IPCEF1: variants seen among roughly 807,000 people sequenced by gnomAD.
IPCEF1 encodes the protein interactor protein for cytohesin exchange factors 1.
IPCEF1 carries 31 observed loss-of-function variants against 50.9 expected under a neutral mutation model. The ratio of observed to expected loss-of-function variants is 0.61; its 90% confidence interval spans 0.46 to 0.82. IPCEF1 has a LOEUF of 0.82. Ranked by LOEUF, IPCEF1 falls within the 40% of genes least tolerant of loss-of-function variation. The pLI, the probability that IPCEF1 is intolerant of heterozygous loss-of-function variation, is 0.00. For missense variants in IPCEF1, 458 were observed against 514.0 expected, an observed-to-expected ratio of 0.89 and a Z score of 1.05; for synonymous variants, 181 against 192.0, an observed-to-expected ratio of 0.94 and a Z score of 0.47.
chr6:154,223,278 G>A (rs1159396993), intron 5 of IPCEF1, 35 bp from the exon 6 acceptor site: 9 of 1,479,142 alleles, frequency 6.1e-6, no homozygotes, highest in Non-Finnish European at 8.5e-6. Flanking sequence ...AGGAATGAAT[G>A]CATCAATCCT....
chr6:154,283,783 T>A (rs1392933778), intron 2 of IPCEF1, among the ~76,000 whole-genome samples: 1 of 152,162 alleles, frequency 6.6e-6, no homozygotes, highest in Non-Finnish European at 1.5e-5. Context: ...AAGTTCTGAG[T>A]GAAAATAAAT....
intron 1 of IPCEF1, 30 bp from the exon 2 acceptor site, chr6:154,289,786 A>G: frequency 6.7e-6 from 1 of 149,192 alleles, no homozygotes; most frequent in Admixed American, 6.7e-5. Flanking sequence ...AAAAAAAGAG[A>G]GAGAGAGGAA....
chr6:154,187,912 T>C (rs1801528011), intron 10 of IPCEF1, among the ~76,000 whole-genome samples: 1 of 152,208 alleles, frequency 6.6e-6, no homozygotes, highest in Admixed American at 6.5e-5. Context: ...AAGTACCTAC[T>C]TCCAACTTGG....
chr6:154,270,411 T>C (rs1781872278), intron 2 of IPCEF1, among the ~76,000 whole-genome samples: 1 of 152,190 alleles, frequency 6.6e-6, no homozygotes, highest in African/African-American at 2.4e-5. Context: ...GGATTAGAAT[T>C]AGTTCTCAAC....
intron 1 of IPCEF1, among the ~76,000 whole-genome samples, chr6:154,296,847 A>G (rs1452611429): frequency 2.0e-5 from 3 of 151,858 alleles, no homozygotes; most frequent in Non-Finnish European, 4.4e-5. Flanking sequence ...AAAAAAAGAA[A>G]AAAAAAGAGA....
At chr6:154,331,421 AAGAG>A (rs1178367412) in intron 1 of IPCEF1, among the ~76,000 whole-genome samples, 21 of 148,244 alleles carry the variant, frequency 1.4e-4, no homozygotes, top group South Asian at 4.3e-4. Flanking sequence ...GAGAAAAAGA[AAGAG>A]AGAGAGAGAA....
intron 11 of IPCEF1, among the ~76,000 whole-genome samples, chr6:154,167,031 C>G (rs936768753): frequency 6.6e-6 from 1 of 152,160 alleles, no homozygotes; most frequent in Admixed American, 6.5e-5. Flanking sequence ...ACTGGGACGC[C>G]TAAGAGCCAC....
In IPCEF1 at chr6:154,313,629, C is replaced by T. The variant is rs146028272; in HGVS notation, c.-61-23873G>A. Among the ~76,000 whole-genome samples, 417 of 152,144 alleles carry T rather than the reference C, an allele frequency of 2.7e-3. 1 individual carries two copies. Among genetic ancestry groups the T allele is most frequent in the African/African-American group, 9.3e-3 (384 of 41,498 alleles). On this transcript the variant is annotated intron_variant, in intron 1 of 11. Coordinates refer to ENST00000367220, the MANE Select transcript of IPCEF1 (RefSeq NM_001130700.2). ...TTCTAGTTATTAAGGCTTTACTGTA[C>T]GGTTATATAGGCAAGTAAATTCCAA...
chr6:154,203,847 G>A lies in IPCEF1; in HGVS notation c.538-3807C>T, dbSNP rs1777270063. 2.0e-5 allele frequency among the ~76,000 whole-genome samples: 3 copies of A among 152,316 alleles called. No homozygotes were observed. The South Asian group carries it at 6.2e-4, about 32-fold the overall frequency. On this transcript the variant is annotated intron_variant, in intron 9 of 11. Transcript: ENST00000367220. ...GCTTTGTGAAGAAAAGCGCCCCAGA[G>A]TTATTCAGCCTCTGGGGGAGGAGCT...
At chr6:154,200,604 C>T (rs1336807260) in intron 9 of IPCEF1, among the ~76,000 whole-genome samples, 1 of 151,944 alleles carries the variant, frequency 6.6e-6, no homozygotes, top group Non-Finnish European at 1.5e-5. Flanking sequence ...ACCTGTAGTC[C>T]CAGCTATTCA....
chr6:154,210,295 A>G (rs1216931833), intron 9 of IPCEF1, among the ~76,000 whole-genome samples: 1 of 152,200 alleles, frequency 6.6e-6, no homozygotes, highest in Admixed American at 6.5e-5. Flanking sequence ...TTTACAACTA[A>G]ATAATCATAA....
At chr6:154,336,851 A>G (rs936282312) in intron 1 of IPCEF1, among the ~76,000 whole-genome samples, 2 of 152,190 alleles carry the variant, frequency 1.3e-5, no homozygotes. Flanking sequence ...TGATTCTCCC[A>G]CCTCGGTCTC....
At chr6:154,259,299 C>A (rs1781535673) in intron 3 of IPCEF1, among the ~76,000 whole-genome samples, 1 of 152,154 alleles carries the variant, frequency 6.6e-6, no homozygotes, top group South Asian at 2.1e-4. Flanking sequence ...AGCACAATAC[C>A]TTTCTCCCTC....
In IPCEF1 at chr6:154,261,536, G is replaced by A. The variant is rs139485243; in HGVS notation, c.36+4376C>T. ...GGAGAAATATTTAAGAGACTGAACC[G>A]ATAGAACTTGGTGGATCGATACTTT... On this transcript the variant is annotated intron_variant, in intron 3 of 11. Transcript: ENST00000367220. Among the ~76,000 whole-genome samples the A allele has an allele frequency of 7.9e-5, 12 of 152,300 alleles. No homozygotes were observed. The East Asian group carries it at 2.1e-3, about 27-fold the overall frequency.
rs112852086 is a variant in IPCEF1, at chr6:154,303,631, T to C, written c.-61-13875A>G. On this transcript the variant is annotated intron_variant, in intron 1 of 11. Transcript: ENST00000367220. ...TAACAACTATTGCCCTACTCTTAAA[T>C]GTACTCCTGGCTAGGCACAGTGGCT... Among the ~76,000 whole-genome samples, 1,052 of 152,282 alleles carry C rather than the reference T, an allele frequency of 6.9e-3. 10 individuals are homozygous for C. Among genetic ancestry groups the C allele is most frequent in the South Asian group, 0.015 (74 of 4,828 alleles).
chr6:154,163,292 A>G (rs370446582), intron 11 of IPCEF1, among the ~76,000 whole-genome samples: 13 of 151,834 alleles, frequency 8.6e-5, no homozygotes, highest in African/African-American at 3.1e-4. Context: ...CCCTAGGCAC[A>G]CTCCCGCCCC....
chr6:154,207,813 G>A (rs1777626383), intron 9 of IPCEF1, among the ~76,000 whole-genome samples: 1 of 152,084 alleles, frequency 6.6e-6, no homozygotes, highest in Admixed American at 6.5e-5. Context: ...CAAAATATGA[G>A]GATTGTTGTG....
At chr6:154,314,375 T>A (rs1309854075) in intron 1 of IPCEF1, among the ~76,000 whole-genome samples, 1 of 152,104 alleles carries the variant, frequency 6.6e-6, no homozygotes, top group African/African-American at 2.4e-5. Flanking sequence ...ATTAATGACA[T>A]AATCATTTGT....
chr6:154,171,934 T>G (rs1053154661), intron 10 of IPCEF1, among the ~76,000 whole-genome samples: 1 of 152,342 alleles, frequency 6.6e-6, no homozygotes, highest in Non-Finnish European at 1.5e-5. Flanking sequence ...TACCACAGTA[T>G]TTTTGAATTA....
Sources: gnomAD v4.1 joint callset for allele counts (sites outside exome capture counted in the v4.1 genomes callset) on GRCh38, gnomAD v4.1.1 for gene constraint, MANE v1.5 for transcripts, NCBI Gene and HGNC (gene_info 2026-07-23, HGNC 2026-07-21) for gene names.